Variants in PDE7A observed in about 807,000 individuals in gnomAD.
PDE7A encodes the protein phosphodiesterase 7A.
PDE7A carries 39 observed loss-of-function variants against 64.3 expected under a neutral mutation model. The observed-to-expected ratio is 0.61, with a 90% CI of 0.47 to 0.79. PDE7A has a LOEUF of 0.79. PDE7A is among the 30% of genes least tolerant of loss of function. The pLI is 0.00. For missense variants in PDE7A, 470 were observed against 582.8 expected, an observed-to-expected ratio of 0.81 and a Z score of 1.99; for synonymous variants, 203 against 206.8, an observed-to-expected ratio of 0.98 and a Z score of 0.16.
chr8:65,787,209 C>T (rs1809582469), intron 1 of PDE7A, among the ~76,000 whole-genome samples: 1 of 152,170 alleles, frequency 6.6e-6, no homozygotes, highest in Admixed American at 6.5e-5. Flanking sequence ...CTAACACTTG[C>T]TGTGCTCCTT....
rs1366369354 is a variant in PDE7A at position 65,716,916 on chromosome 8, T to C, written c.*2374A>G. ...ACCTCTATACCCACACTGTCCAATA[T>C]GGTAGCCACTAGCCACATGTGGATA... On this transcript the variant is annotated 3_prime_UTR_variant, in exon 13 of 13. Coordinates refer to ENST00000401827, the MANE Select transcript of PDE7A (RefSeq NM_001242318.3). Among the ~76,000 whole-genome samples, 3 of 152,280 alleles carry C rather than the reference T, an allele frequency of 2.0e-5. No homozygotes were observed. In the East Asian group the frequency reaches 5.8e-4, roughly 29 times the overall value.
At chr8:65,731,872 G>A (rs1189006830) in intron 7 of PDE7A, among the ~76,000 whole-genome samples, 1 of 152,034 alleles carries the variant, frequency 6.6e-6, no homozygotes, top group Non-Finnish European at 1.5e-5. Flanking sequence ...ACTTTCTTAT[G>A]GCTGACTCCT....
chr8:65,805,195 G>C (rs921293819), intron 1 of PDE7A, among the ~76,000 whole-genome samples: 2 of 152,190 alleles, frequency 1.3e-5, no homozygotes, highest in Admixed American at 6.5e-5. Flanking sequence ...GTTGGATATA[G>C]TACAAGCAGT....
At chr8:65,779,647 C>A in intron 3 of PDE7A, 73 bp downstream of exon 3, 1 of 768,180 alleles carries the variant, frequency 1.3e-6, no homozygotes, top group Non-Finnish European at 2.1e-6. Context: ...ATTCTTTTTC[C>A]CTTGGAAAAC....
chr8:65,773,515 A>T (rs983436929), intron 3 of PDE7A, among the ~76,000 whole-genome samples: 3 of 152,232 alleles, frequency 2.0e-5, no homozygotes, highest in Non-Finnish European at 4.4e-5. Context: ...GGATCAGGAT[A>T]TAAGTATAGA....
intron 12 of PDE7A, among the ~76,000 whole-genome samples, chr8:65,720,855 C>A (rs1806346176): frequency 6.6e-6 from 1 of 152,214 alleles, no homozygotes. Context: ...GCCAGCCACC[C>A]AAAGCCCTGT....
At chr8:65,807,579 C>T (rs1000364003) in intron 1 of PDE7A, among the ~76,000 whole-genome samples, 1 of 152,074 alleles carries the variant, frequency 6.6e-6, no homozygotes, top group African/African-American at 2.4e-5. Flanking sequence ...ATACAAGTAA[C>T]ACAAGCAGAC....
rs1285091368 is a variant in PDE7A, at chr8:65,719,120, A to C, written c.*170T>G. 1.7e-6 allele frequency: 1 copy of C among 605,426 alleles called. No homozygotes were observed. The highest frequency in any genetic ancestry group is 2.9e-6 in the Non-Finnish European group (1 of 339,346). The allele number at this position is 605,426 out of a possible 1,614,324, so 37.5% of individuals were successfully genotyped here. A position where few individuals can be genotyped will look rare whatever the true frequency, so the allele number is the denominator to read the frequency against. On this transcript the variant is annotated 3_prime_UTR_variant, in exon 13 of 13. Coordinates refer to ENST00000401827, the MANE Select transcript of PDE7A (RefSeq NM_001242318.3). ...GCTGTATGTTCGGGTCTTGCAATTA[A>C]CAAGTGGGTTCAAATGATCCAACAG... is the stretch of plus-strand genomic sequence containing the variant.
intron 1 of PDE7A, among the ~76,000 whole-genome samples, chr8:65,800,347 G>A (rs1809958643): frequency 6.6e-6 from 1 of 152,110 alleles, no homozygotes; most frequent in Non-Finnish European, 1.5e-5. Flanking sequence ...TTAACTAATG[G>A]CAAATCTGAA....
chr8:65,785,836 A>AT lies in PDE7A; in HGVS notation c.139-2994dup, dbSNP rs59412396. Among the ~76,000 whole-genome samples, 543 of 151,538 alleles carry AT rather than the reference A, an allele frequency of 3.6e-3. 3 individuals carry two copies. The highest frequency in any genetic ancestry group is 6.4e-3 in the Non-Finnish European group (431 of 67,804). On this transcript the variant is annotated intron_variant, in intron 1 of 12. Coordinates refer to ENST00000401827, the MANE Select transcript of PDE7A (RefSeq NM_001242318.3). ...GAGGGGAGTTGACATTATTATTATG[A>AT]TTTTTTTTTAATGTAGGAAGGGCAT...
rs1207393624 is a variant in PDE7A at position 65,716,440 on chromosome 8, A to G, written c.*2850T>C. Among the ~76,000 whole-genome samples, 1 of 152,190 alleles carries G rather than the reference A, an allele frequency of 6.6e-6. No homozygotes were observed. Among genetic ancestry groups the G allele is most frequent in the African/African-American group, 2.4e-5 (1 of 41,452 alleles). On this transcript the variant is annotated 3_prime_UTR_variant, in exon 13 of 13. Coordinates refer to ENST00000401827, the MANE Select transcript of PDE7A (RefSeq NM_001242318.3). ...GCATGTGCCAATCAGAAGCTGATGTAGAGAAGCAACTACTGGCAGAGAATC... is the reference window on the plus strand; with the variant it reads ...GCATGTGCCAATCAGAAGCTGATGTGGAGAAGCAACTACTGGCAGAGAATC...
At chr8:65,806,016 ACTT>A (rs1810099967) in intron 1 of PDE7A, among the ~76,000 whole-genome samples, 3 of 152,344 alleles carry the variant, frequency 2.0e-5, no homozygotes, top group East Asian at 3.9e-4. Flanking sequence ...TAGTTACACT[ACTT>A]CTAGGAATCT....
At chr8:65,827,220 A>G (rs1017377591) in intron 1 of PDE7A, among the ~76,000 whole-genome samples, 2 of 152,186 alleles carry the variant, frequency 1.3e-5, no homozygotes, top group African/African-American at 4.8e-5. Flanking sequence ...GAATAGTCAA[A>G]ATCAGAAACA....
chr8:65,751,333 G>A (rs1235141676), intron 3 of PDE7A, among the ~76,000 whole-genome samples: 6 of 152,008 alleles, frequency 3.9e-5, no homozygotes, highest in East Asian at 1.9e-4. Context: ...ATGCATTCAC[G>A]TTTCAAAAAC....
At chr8:65,789,032 G>T (rs371359756) in intron 1 of PDE7A, 13 of 1,538,322 alleles carry the variant, frequency 8.5e-6, no homozygotes, top group Non-Finnish European at 1.1e-5. Context: ...CAGCTGTCCC[G>T]AGGCAAAAGA....
intron 12 of PDE7A, chr8:65,720,377 C>T (rs1026808978): frequency 3.2e-5 from 5 of 154,092 alleles, no homozygotes; most frequent in African/African-American, 4.8e-5. Flanking sequence ...GATTCTATCA[C>T]GCTTTAAAAT....
At chr8:65,723,194 A>AT (rs1346478019) in intron 12 of PDE7A, 1 of 156,648 alleles carries the variant, frequency 6.4e-6, no homozygotes, top group East Asian at 1.8e-4. Context: ...TTTTTATTTT[A>AT]TTTATTTTAT....
chr8:65,745,436 T>C lies in PDE7A; in HGVS notation c.470A>G (p.Asp157Gly), dbSNP rs1807631470. The C allele has an allele frequency of 6.3e-7, 1 of 1,576,420 alleles. No individual in the cohort carries two copies. Among genetic ancestry groups the C allele is most frequent in the Admixed American group, 1.7e-5 (1 of 59,860 alleles). ...MLEKVGNWNFDIFLFDRLTNG... is the reference protein window; with the variant it reads ...MLEKVGNWNFGIFLFDRLTNG... ...TGTTAGTCTATCAAATAGAAAGATA[T>C]CAAAATTCCAATTTCCAACTTTTTC... Residue 157 changes from aspartate to glycine, a missense_variant, in exon 5 of 13, where the codon GAT becomes GGT. Physicochemically the swap from Asp to Gly is moderately conservative, Grantham distance 94. Coordinates refer to ENST00000401827, the MANE Select transcript of PDE7A (RefSeq NM_001242318.3).
intron 5 of PDE7A, among the ~76,000 whole-genome samples, chr8:65,740,957 C>T (rs963022683): frequency 1.3e-5 from 2 of 152,214 alleles, no homozygotes; most frequent in Non-Finnish European, 2.9e-5. Context: ...AGAGCTGCTA[C>T]ACGCAATGGG....
Sources: gnomAD v4.1 joint callset for allele counts (sites outside exome capture counted in the v4.1 genomes callset) on GRCh38, gnomAD v4.1.1 for gene constraint, MANE v1.5 for transcripts, NCBI Gene and HGNC (gene_info 2026-07-23, HGNC 2026-07-21) for gene names.